The following TSC2 variants were observed in gnomAD, a reference collection of about 807,000 sequenced individuals.
TSC2 encodes the protein TSC complex subunit 2.
A neutral mutation model predicts 202.2 loss-of-function variants in TSC2; 29 were observed. That is an observed-to-expected ratio of 0.14 (90% CI 0.11 to 0.20). The LOEUF (loss-of-function observed/expected upper bound fraction) is 0.20. TSC2 is among the 10% of genes least tolerant of loss of function. The pLI is 1.00. For missense variants in TSC2, 2,429 were observed against 2,420.0 expected (o/e 1.00, Z -0.08); for synonymous variants, 1,349 against 1,044.0 (o/e 1.29, Z -5.63).
At position 2,088,605 on chromosome 16, in the gene TSC2, G is replaced by A. The variant is rs45486402; in HGVS notation, c.5419G>A (p.Val1807Met). Residue 1807 changes from valine (V) to methionine (M), a missense_variant, in exon 42 of 42, where the codon GTG (valine) becomes ATG (methionine). Physicochemically the swap from Val to Met is conservative, Grantham distance 21. Transcript: ENST00000219476. ...CTCGGTGGAGGACTTCACCGAGTTT[G>A]TGTGAGGCCGGGGCCCTCCCTCCTG... is the stretch of plus-strand genomic sequence containing the variant. The part of the protein sequence containing the change: ...ISSVEDFTEF[V>M] The A allele has an allele frequency of 2.5e-6, 4 of 1,602,864 alleles. No individual in the cohort carries two copies. The highest frequency in any genetic ancestry group is 1.3e-5 in the African/African-American group (1 of 74,892).
At chr16:2,064,147 C>A in intron 14 of TSC2, 125 bp from the exon 15 acceptor site, 1 of 1,491,818 alleles carries the variant, frequency 6.7e-7, no homozygotes, top group South Asian at 1.1e-5. Context: ...GCTCTCTGCC[C>A]AGCTGTGCTG....
chr16:2,072,559 C>G, intron 20 of TSC2, 196 bp downstream of exon 20: 1 of 914,034 alleles, frequency 1.1e-6, no homozygotes, highest in Non-Finnish European at 1.6e-6. Flanking sequence ...GCTTTTGGGA[C>G]TGACGTCAGA....
intron 19 of TSC2, 108 bp downstream of exon 19, chr16:2,072,042 C>T (rs1026451621): frequency 6.8e-7 from 1 of 1,480,820 alleles, no homozygotes; most frequent in African/African-American, 1.4e-5. Flanking sequence ...GGAGGGCAGC[C>T]CTCCCTCAGA....
chr16:2,057,077 A>T, intron 8 of TSC2, 28 bp from the exon 9 acceptor site: 1 of 1,550,482 alleles, frequency 6.4e-7, no homozygotes, highest in Non-Finnish European at 8.7e-7. Flanking sequence ...TATGCCTGCC[A>T]GCCCCTGACA....
chr16:2,085,517 C>T (rs1042676695), intron 36 of TSC2, among the ~76,000 whole-genome samples, 195 bp downstream of exon 36: 6 of 152,202 alleles, frequency 3.9e-5, no homozygotes, highest in African/African-American at 1.2e-4. Flanking sequence ...GACAGGTTAG[C>T]GTGGGAGCAC....
chr16:2,058,633 C>A (rs546010987), intron 9 of TSC2, 114 bp from the exon 10 acceptor site: 14 of 1,492,310 alleles, frequency 9.4e-6, no homozygotes, highest in East Asian at 2.5e-5. Context: ...CCTGCCCCCC[C>A]CAAGCACAGG....
At chr16:2,070,960 G>T (rs1215960911) in intron 17 of TSC2, among the ~76,000 whole-genome samples, 4 of 151,560 alleles carry the variant, frequency 2.6e-5, no homozygotes, top group Non-Finnish European at 4.4e-5. Flanking sequence ...AGACGGCAGG[G>T]CAGGGCTGGA....
intron 31 of TSC2, chr16:2,082,217 C>T (rs1003651421): frequency 8.2e-6 from 5 of 612,066 alleles, no homozygotes; most frequent in Admixed American, 5.7e-5. Flanking sequence ...CTGCAGATGG[C>T]ACTTAGCGGC....
intron 17 of TSC2, among the ~76,000 whole-genome samples, 187 bp downstream of exon 17, chr16:2,070,765 A>C (rs2088189913): frequency 6.6e-6 from 1 of 152,104 alleles, no homozygotes; most frequent in African/African-American, 2.4e-5. Flanking sequence ...CCTGCAGTCC[A>C]CACATCTGTG....
rs919309114 is a variant in TSC2, at chr16:2,089,462, G to T, written c.*852G>T. The T allele has an allele frequency of 3.6e-6, 2 of 548,186 alleles. No homozygotes were observed. The highest frequency in any genetic ancestry group is 6.5e-5 in the Admixed American group (2 of 30,890). 34.0% of individuals were successfully genotyped at this position (548,186 alleles called of 1,614,324 possible). The stretch of plus-strand genomic sequence containing the variant: ...AGCCCGCTGTACCTGAGGACTCGGG[G>T]AAATAAATTAGCATCTCAGAGGCTA... On this transcript the variant is annotated 3_prime_UTR_variant, in exon 42 of 42. Transcript: ENST00000219476.
chr16:2,059,802 A>G (rs1206407278), intron 10 of TSC2, among the ~76,000 whole-genome samples: 2 of 152,072 alleles, frequency 1.3e-5, no homozygotes, highest in Non-Finnish European at 2.9e-5. Context: ...TATAGGTATG[A>G]GTCACCGTGC....
intron 2 of TSC2, 59 bp from the exon 3 acceptor site, chr16:2,050,341 C>T (rs961863625): frequency 6.7e-7 from 1 of 1,485,280 alleles, no homozygotes; most frequent in Non-Finnish European, 9.4e-7. Flanking sequence ...TTGTGACTTG[C>T]AGTTAAGGAG....
rs1216419213 is a variant in TSC2, at chr16:2,056,251, G to T, written c.648+7G>T. 1.2e-6 allele frequency: 2 copies of T among 1,614,006 alleles called. No homozygotes were observed. On this transcript the variant is annotated splice_region_variant and intron_variant, in intron 7 of 41. Transcript: ENST00000219476. ...GTCCTCTGTGGACATAGAGGTCAGT[G>T]CCTCCCCTCCCCAGGGCCGGCCCAT...
In TSC2 at chr16:2,083,669, CAGCA is replaced by C. The variant is rs2090409840; in HGVS notation, c.3884-25_3884-22del. 7 of 1,564,916 alleles carry C rather than the reference CAGCA, an allele frequency of 4.5e-6. No individual in the cohort carries two copies. The East Asian group carries it at 1.6e-4, about 37-fold the overall frequency. On this transcript the variant is annotated intron_variant, in intron 32 of 41. Coordinates refer to ENST00000219476, the MANE Select transcript of TSC2 (RefSeq NM_000548.5). The stretch of plus-strand genomic sequence containing the variant: ...CCAGGGCCTGGCCCAGCCCCACATC[CAGCA>C]GCCCCGTCTGTGTCCTCCCAGACTC...
In TSC2 at chr16:2,081,511, G is replaced by C. The variant is rs1168684005; in HGVS notation, c.3611-84G>C. 6.4e-6 allele frequency: 10 copies of C among 1,573,282 alleles called. No individual in the cohort carries two copies. In the Admixed American group the frequency reaches 1.5e-4, roughly 24 times the overall value. On this transcript the variant is annotated intron_variant, in intron 30 of 41. Coordinates refer to ENST00000219476, the MANE Select transcript of TSC2 (RefSeq NM_000548.5). ...GAGGGAGCATGAGGGCAAAACCAGG[G>C]CCCAGGCCAGGAGGCCCCTGGGGGG...
At chr16:2,076,396 A>C (rs1181180871) in intron 24 of TSC2, 95 bp from the exon 25 acceptor site, 1 of 1,588,964 alleles carries the variant, frequency 6.3e-7, no homozygotes, top group African/African-American at 1.3e-5. Flanking sequence ...CCTAGCCTGC[A>C]GCTTGTCCCT....
chr16:2,082,035 C>T (rs1468157835), intron 31 of TSC2: 1 of 648,090 alleles, frequency 1.5e-6, no homozygotes, highest in East Asian at 2.8e-5. Context: ...TGTGGAGCCT[C>T]TGCCCAGCAT....
chr16:2,065,926 G>A (rs938777668), intron 16 of TSC2, among the ~76,000 whole-genome samples: 3 of 152,198 alleles, frequency 2.0e-5, no homozygotes, highest in African/African-American at 7.2e-5. Context: ...ACCCAGCACA[G>A]CACCTGGGAA....
intron 21 of TSC2, among the ~76,000 whole-genome samples, chr16:2,073,742 C>T (rs1036256824): frequency 2.6e-5 from 4 of 152,228 alleles, no homozygotes; most frequent in South Asian, 2.1e-4. Flanking sequence ...ACAGTGTATC[C>T]GAGGGGTGAG....
Sources: allele counts gnomAD v4.1 joint callset (sites outside exome capture counted in the v4.1 genomes callset), GRCh38; gene constraint gnomAD v4.1.1; transcripts MANE v1.5; gene names NCBI Gene and HGNC (gene_info 2026-07-23, HGNC 2026-07-21).